KCNMB2: variants seen among roughly 807,000 people sequenced by gnomAD.
KCNMB2 encodes the protein potassium calcium-activated channel subfamily M regulatory beta subunit 2.
KCNMB2 carries 9 observed loss-of-function variants against 24.5 expected under a neutral mutation model. The ratio of observed to expected loss-of-function variants is 0.37; its 90% confidence interval spans 0.22 to 0.64. The LOEUF (loss-of-function observed/expected upper bound fraction) is 0.64. KCNMB2 is among the 30% of genes least tolerant of loss of function. The probability of loss-of-function intolerance (pLI) is 0.63; values close to 1 mark genes in which losing one functional copy is unlikely to be tolerated. For missense variants in KCNMB2, 226 were observed against 284.3 expected, an observed-to-expected ratio of 0.79 and a Z score of 1.47; for synonymous variants, 109 against 104.4, an observed-to-expected ratio of 1.04 and a Z score of -0.27.
At chr3:178,758,062 C>CA (rs1324264912) in intron 1 of KCNMB2, among the ~76,000 whole-genome samples, 19 of 40,174 alleles carry the variant, frequency 4.7e-4, no homozygotes, top group African/African-American at 8.5e-4. Flanking sequence ...ATATATATCT[C>CA]CAAGAGGATA....
At chr3:178,778,884 G>A (rs563152337) in intron 1 of KCNMB2, among the ~76,000 whole-genome samples, 18 of 152,280 alleles carry the variant, frequency 1.2e-4, no homozygotes, top group African/African-American at 4.3e-4. Flanking sequence ...GCTGTGATTG[G>A]TTATGAATGG....
chr3:178,799,845 C>T (rs1287014650), intron 1 of KCNMB2, among the ~76,000 whole-genome samples: 1 of 151,056 alleles, frequency 6.6e-6, no homozygotes, highest in Non-Finnish European at 1.5e-5. Flanking sequence ...ACCAAAGAAA[C>T]AAAATAGAGA....
intron 1 of KCNMB2, among the ~76,000 whole-genome samples, chr3:178,657,575 G>A (rs1465260502): frequency 1.3e-5 from 2 of 152,250 alleles, no homozygotes; most frequent in East Asian, 1.9e-4. Flanking sequence ...CTATCCTCAT[G>A]TCTGTGGTCT....
At chr3:178,760,834 C>T (rs994726590) in intron 1 of KCNMB2, among the ~76,000 whole-genome samples, 1 of 151,804 alleles carries the variant, frequency 6.6e-6, no homozygotes, top group African/African-American at 2.4e-5. Context: ...AGAAAAAATA[C>T]ATGTAAGTGT....
At chr3:178,619,156 C>G (rs1475292583) in intron 1 of KCNMB2, among the ~76,000 whole-genome samples, 1 of 152,172 alleles carries the variant, frequency 6.6e-6, no homozygotes, top group Non-Finnish European at 1.5e-5. Context: ...TATATGACCT[C>G]TGGCTTTGAA....
chr3:178,613,264 G>T (rs370992476), intron 1 of KCNMB2, among the ~76,000 whole-genome samples: 6 of 152,176 alleles, frequency 3.9e-5, no homozygotes, highest in African/African-American at 1.4e-4. Flanking sequence ...GGGGCATGGT[G>T]GTGGGCGCCT....
intron 1 of KCNMB2, among the ~76,000 whole-genome samples, chr3:178,771,931 C>T (rs1307661233): frequency 3.3e-5 from 5 of 151,944 alleles, no homozygotes; most frequent in Non-Finnish European, 5.9e-5. Flanking sequence ...ACCTCCTTAC[C>T]TCATGACCAG....
intron 1 of KCNMB2, among the ~76,000 whole-genome samples, chr3:178,571,502 C>T (rs113755151): frequency 0.22 from 27,824 of 126,728 alleles, 3,576 homozygotes; most frequent in East Asian, 0.38. Context: ...TTCTGTTTCA[C>T]TTATTTATGT....
At chr3:178,787,866 T>C (rs988650261) in intron 1 of KCNMB2, among the ~76,000 whole-genome samples, 1 of 152,188 alleles carries the variant, frequency 6.6e-6, no homozygotes, top group South Asian at 2.1e-4. Context: ...CAGGCTTGGA[T>C]TGAAATTTTA....
intron 2 of KCNMB2, among the ~76,000 whole-genome samples, chr3:178,816,219 A>C (rs1420824850): frequency 6.6e-6 from 1 of 151,836 alleles, no homozygotes; most frequent in Non-Finnish European, 1.5e-5. Context: ...TCAGTAAGTT[A>C]TATTTTTGGA....
rs1417931434 is a variant in KCNMB2, at chr3:178,757,807, A to C, written c.-67-49536A>C. Reference sequence around the variant, plus strand: ...ATATACATATATCTTATATCCATCCAAGAGGATATATATATACACATCCAT... The same window carrying C: ...ATATACATATATCTTATATCCATCCCAGAGGATATATATATACACATCCAT... On this transcript the variant is annotated intron_variant, in intron 1 of 4. Transcript: ENST00000452583. Among the ~76,000 whole-genome samples the C allele has an allele frequency of 1.5e-5, 2 of 129,852 alleles. 1 individual carries two copies. The highest frequency in any genetic ancestry group is 4.7e-4 in the East Asian group (2 of 4,230). 85.2% of individuals were successfully genotyped at this position (129,852 alleles called of 152,430 possible).
chr3:178,753,955 T>C (rs1236541409), intron 1 of KCNMB2, among the ~76,000 whole-genome samples: 1 of 150,142 alleles, frequency 6.7e-6, no homozygotes, highest in African/African-American at 2.5e-5. Flanking sequence ...TCTTGTCCCA[T>C]CAGACTCTCA....
intron 1 of KCNMB2, among the ~76,000 whole-genome samples, chr3:178,680,168 C>T (rs1176853707): frequency 4.6e-5 from 7 of 152,272 alleles, no homozygotes; most frequent in African/African-American, 1.7e-4. Flanking sequence ...AGACTGCACA[C>T]GTCTTCCCTA....
At chr3:178,748,992 G>A (rs1723756970) in intron 1 of KCNMB2, 1 of 152,150 alleles carries the variant, frequency 6.6e-6, no homozygotes, top group African/African-American at 2.4e-5. Context: ...GTAATCTCAA[G>A]GAGAGCACAA....
chr3:178,691,107 CT>C (rs71181241), intron 1 of KCNMB2, among the ~76,000 whole-genome samples: 826 of 79,712 alleles, frequency 0.01, 25 homozygotes, highest in East Asian at 0.014. Flanking sequence ...CCCATTAAGT[CT>C]TTTTTTTTTT....
rs370619010 is a variant in KCNMB2 at position 178,759,344 on chromosome 3, G to GATAT, written c.-67-47984_-67-47981dup. Among the ~76,000 whole-genome samples the GATAT allele has an allele frequency of 1.3e-3, 26 of 20,392 alleles. 3 individuals are homozygous for GATAT. The highest frequency in any genetic ancestry group is 3.5e-3 in the African/African-American group (10 of 2,854). 13.4% of individuals were successfully genotyped at this position (20,392 alleles called of 152,430 possible). On this transcript the variant is annotated intron_variant, in intron 1 of 4. Transcript: ENST00000452583. Reference sequence around the variant, plus strand: ...ATATATATATATATATCTCCAAGAGGATATATATATATATATATCTCCAAG... The same window carrying GATAT: ...ATATATATATATATATCTCCAAGAGGATATATATATATATATATATATCTCCAAG...
intron 4 of KCNMB2, among the ~76,000 whole-genome samples, chr3:178,831,994 G>A (rs1715072859): frequency 6.6e-6 from 1 of 152,000 alleles, no homozygotes; most frequent in Non-Finnish European, 1.5e-5. Flanking sequence ...TTTATGTTAT[G>A]TATACTTGAA....
chr3:178,744,168 T>C (rs993600574), intron 1 of KCNMB2, among the ~76,000 whole-genome samples: 1 of 152,238 alleles, frequency 6.6e-6, no homozygotes, highest in Non-Finnish European at 1.5e-5. Flanking sequence ...CGGTATTTCA[T>C]GTTAAATGAA....
intron 1 of KCNMB2, among the ~76,000 whole-genome samples, chr3:178,629,587 G>C (rs1719240496): frequency 6.6e-6 from 1 of 152,138 alleles, no homozygotes; most frequent in Non-Finnish European, 1.5e-5. Flanking sequence ...AATATTCCAA[G>C]ATCACAATCA....
Sources: gnomAD v4.1 joint callset for allele counts (sites outside exome capture counted in the v4.1 genomes callset) on GRCh38, gnomAD v4.1.1 for gene constraint, MANE v1.5 for transcripts, NCBI Gene and HGNC (gene_info 2026-07-23, HGNC 2026-07-21) for gene names.